USP15: variants seen among roughly 807,000 people sequenced by gnomAD.
USP15 encodes ubiquitin carboxyl-terminal hydrolase 15.
A neutral mutation model predicts 127.1 loss-of-function variants in USP15; 18 were observed. That is an observed-to-expected ratio of 0.14 (90% CI 0.10 to 0.21). The LOEUF is 0.21. Among genes scored for constraint, USP15 ranks in the 10% least tolerant of loss-of-function variants. USP15 has a pLI of 1.00. For synonymous variants in USP15, 364 were observed against 393.7 expected (o/e 0.92, Z 0.89); for missense variants, 805 against 1,159.9 (o/e 0.69, Z 4.44).
intron 6 of USP15, among the ~76,000 whole-genome samples, chr12:62,341,142 C>A (rs2065634255): frequency 1.3e-5 from 2 of 151,642 alleles, no homozygotes; most frequent in African/African-American, 4.8e-5. Context: ...CCTTCTTTGT[C>A]TTTTTTGATC....
At chr12:62,372,997 A>G (rs1382627567) in intron 8 of USP15, among the ~76,000 whole-genome samples, 1 of 152,130 alleles carries the variant, frequency 6.6e-6, no homozygotes, top group African/African-American at 2.4e-5. Context: ...AAGTCAGACA[A>G]CTGCTGACAT....
intron 1 of USP15, among the ~76,000 whole-genome samples, chr12:62,284,840 T>G (rs2063745162): frequency 6.6e-6 from 1 of 152,118 alleles, no homozygotes; most frequent in Admixed American, 6.5e-5. Context: ...TTTTAATGCT[T>G]TCTATCCTAG....
At chr12:62,403,610 C>T (rs1045408237) in intron 21 of USP15, among the ~76,000 whole-genome samples, 19 of 151,818 alleles carry the variant, frequency 1.3e-4, no homozygotes, top group African/African-American at 4.4e-4. Context: ...TGTTTATCAC[C>T]CTGACTATGA....
rs1019543048 is a variant in USP15, at chr12:62,336,385, C to T, written c.683+10452C>T. 3.1e-5 allele frequency: 31 copies of T among 985,222 alleles called. 2 individuals carry two copies. The highest frequency in any genetic ancestry group is 2.4e-6 in the Non-Finnish European group (2 of 829,934). 61.0% of individuals were successfully genotyped at this position (985,222 alleles called of 1,614,324 possible). A position where few individuals can be genotyped will look rare whatever the true frequency, so the allele number is the denominator to read the frequency against. The stretch of plus-strand genomic sequence containing the variant: ...TTCCTGTATTGCCTATTTCAAGTAC[C>T]ATCCAAGAGCCATCCTGAGTTCCTC... On this transcript the variant is annotated intron_variant, in intron 6 of 21. Coordinates refer to ENST00000280377, the MANE Select transcript of USP15 (RefSeq NM_001252078.2).
chr12:62,346,060 T>C (rs2065807409), intron 6 of USP15, among the ~76,000 whole-genome samples: 1 of 152,048 alleles, frequency 6.6e-6, no homozygotes, highest in African/African-American at 2.4e-5. Flanking sequence ...TTTCCTAACG[T>C]AAAAGAGAAA....
At chr12:62,383,816 T>A (rs2067062728) in intron 9 of USP15, 24 bp from the exon 10 acceptor site, 1 of 1,606,348 alleles carries the variant, frequency 6.2e-7, no homozygotes, top group Non-Finnish European at 8.5e-7. Flanking sequence ...TAGAACTGAT[T>A]TGATGGTTTT....
intron 20 of USP15, among the ~76,000 whole-genome samples, chr12:62,399,542 C>G (rs966257703): frequency 5.3e-5 from 8 of 152,220 alleles, no homozygotes; most frequent in Middle Eastern, 3.4e-3. Context: ...CTCATTTCTG[C>G]CTCCATCCAT....
chr12:62,274,525 G>A (rs535402722), intron 1 of USP15, among the ~76,000 whole-genome samples: 2 of 151,810 alleles, frequency 1.3e-5, no homozygotes, highest in African/African-American at 2.4e-5. Flanking sequence ...GCTGTCTGTC[G>A]TCCCAGCTAC....
intron 11 of USP15, among the ~76,000 whole-genome samples, chr12:62,388,861 G>A (rs1245875367): frequency 3.3e-5 from 5 of 152,196 alleles, no homozygotes; most frequent in African/African-American, 1.2e-4. Flanking sequence ...CGGGTGCAGT[G>A]GCTCAGTCCT....
Position 62,411,856 on chromosome 12 carries a change from G to A in USP15, c.*7481G>A, listed in dbSNP as rs1366807903. 1 of 152,190 alleles carries A rather than the reference G, an allele frequency of 6.6e-6. No homozygotes were observed. The highest frequency in any genetic ancestry group is 2.4e-5 in the African/African-American group (1 of 41,416). The allele number at this position is 152,190 out of a possible 1,614,324, so 9.4% of individuals were successfully genotyped here. A position where few individuals can be genotyped will look rare whatever the true frequency, so the allele number is the denominator to read the frequency against. On this transcript the variant is annotated 3_prime_UTR_variant, in exon 22 of 22. Coordinates refer to ENST00000280377, the MANE Select transcript of USP15 (RefSeq NM_001252078.2). ...AGAGGAGGGTCAGAGAGGAGAGCAA[G>A]CTCTGAGGCATCTCTTTTTTATAAG...
intron 1 of USP15, among the ~76,000 whole-genome samples, chr12:62,271,500 C>G (rs928959175): frequency 6.6e-6 from 1 of 151,810 alleles, no homozygotes; most frequent in Non-Finnish European, 1.5e-5. Context: ...TTTTAAAAAG[C>G]GAAGTTGATT....
At chr12:62,355,285 T>A in intron 7 of USP15, 46 bp from the exon 8 acceptor site, 2 of 1,484,772 alleles carry the variant, frequency 1.3e-6, no homozygotes, top group Non-Finnish European at 1.8e-6. Flanking sequence ...ATTATAAATA[T>A]GTTGTAATAT....
intron 6 of USP15, among the ~76,000 whole-genome samples, chr12:62,333,310 A>G (rs928529020): frequency 6.6e-5 from 10 of 152,174 alleles, no homozygotes; most frequent in African/African-American, 2.2e-4. Context: ...CTCATTACCC[A>G]GGCTGGAATG....
At chr12:62,302,626 C>T (rs2064350706) in intron 2 of USP15, among the ~76,000 whole-genome samples, 164 bp from the exon 3 acceptor site, 1 of 151,846 alleles carries the variant, frequency 6.6e-6, no homozygotes, top group Non-Finnish European at 1.5e-5. Context: ...CCAATACGGC[C>T]CAGAGAAACC....
chr12:62,273,685 A>G (rs1343266067), intron 1 of USP15, among the ~76,000 whole-genome samples: 1 of 152,116 alleles, frequency 6.6e-6, no homozygotes, highest in Non-Finnish European at 1.5e-5. Flanking sequence ...CTACATTTCT[A>G]GGAAACTTCT....
At chr12:62,345,546 A>G (rs543704430) in intron 6 of USP15, among the ~76,000 whole-genome samples, 8 of 151,968 alleles carry the variant, frequency 5.3e-5, no homozygotes, top group Non-Finnish European at 1.2e-4. Context: ...GAGTCCTCCA[A>G]ACTGTTCCAA....
intron 4 of USP15, among the ~76,000 whole-genome samples, chr12:62,318,296 C>A (rs1244827511): frequency 1.3e-5 from 2 of 152,176 alleles, no homozygotes; most frequent in African/African-American, 4.8e-5. Flanking sequence ...CATGAGACAT[C>A]GAAACCTACC....
At chr12:62,365,513 G>A (rs997974295) in intron 8 of USP15, among the ~76,000 whole-genome samples, 3 of 152,094 alleles carry the variant, frequency 2.0e-5, no homozygotes, top group East Asian at 1.9e-4. Flanking sequence ...GCCTGTTCAC[G>A]CTCATGGTAG....
chr12:62,330,978 G>A (rs1228560739), intron 6 of USP15, among the ~76,000 whole-genome samples: 3 of 150,190 alleles, frequency 2.0e-5, no homozygotes, highest in Non-Finnish European at 4.4e-5. Context: ...AGCACATGAT[G>A]TTAGCTTAGG....
Sources: allele counts gnomAD v4.1 joint callset (sites outside exome capture counted in the v4.1 genomes callset), GRCh38; gene constraint gnomAD v4.1.1; transcripts MANE v1.5; gene names NCBI Gene and HGNC (gene_info 2026-07-23, HGNC 2026-07-21).